The following FAM168A variants were observed in gnomAD, a reference collection of about 807,000 sequenced individuals.
The protein encoded by FAM168A is protein FAM168A.
Under a neutral mutation model 28.5 loss-of-function variants are expected in FAM168A, and 3 were observed. The ratio of observed to expected loss-of-function variants is 0.11; its 90% CI spans 0.05 to 0.27. The LOEUF is 0.27. Ranked by LOEUF, FAM168A falls within the 10% of genes least tolerant of loss-of-function variation. FAM168A has a pLI of 1.00. For synonymous variants in FAM168A, 122 were observed against 124.2 expected (o/e 0.98, Z 0.12); for missense variants, 222 against 311.5 (o/e 0.71, Z 2.16).
At chr11:73,429,315 C>A (rs1189179835) in intron 3 of FAM168A, among the ~76,000 whole-genome samples, 1 of 152,146 alleles carries the variant, frequency 6.6e-6, no homozygotes, top group African/African-American at 2.4e-5. Context: ...CACTGGGTAA[C>A]TTGGGACAAA....
intron 1 of FAM168A, among the ~76,000 whole-genome samples, chr11:73,551,593 T>C (rs1464574971): frequency 1.3e-5 from 2 of 152,238 alleles, no homozygotes; most frequent in Non-Finnish European, 2.9e-5. Context: ...TCTTTCCCAC[T>C]GCACACAATT....
chr11:73,499,684 A>T (rs1854965541), intron 1 of FAM168A, among the ~76,000 whole-genome samples: 1 of 152,106 alleles, frequency 6.6e-6, no homozygotes, highest in Admixed American at 6.5e-5. Context: ...AACATAAACC[A>T]CCTGATGGAG....
intron 1 of FAM168A, among the ~76,000 whole-genome samples, chr11:73,564,770 A>G (rs2134710950): frequency 6.6e-6 from 1 of 150,620 alleles, no homozygotes; most frequent in East Asian, 1.9e-4. Flanking sequence ...AAAGAAGGCT[A>G]GAGGTATAGC....
intron 1 of FAM168A, among the ~76,000 whole-genome samples, chr11:73,489,775 T>C (rs781753751): frequency 6.6e-6 from 1 of 152,200 alleles, no homozygotes; most frequent in South Asian, 2.1e-4. Context: ...CTTCGCAAAG[T>C]GTTGAATTAC....
At chr11:73,566,372 T>C (rs1392383141) in intron 1 of FAM168A, among the ~76,000 whole-genome samples, 1 of 152,268 alleles carries the variant, frequency 6.6e-6, no homozygotes, top group Non-Finnish European at 1.5e-5. Context: ...AAACTTCTTT[T>C]ATCCCTTGAT....
At chr11:73,583,751 G>A (rs753467168) in intron 1 of FAM168A, among the ~76,000 whole-genome samples, 1 of 152,214 alleles carries the variant, frequency 6.6e-6, no homozygotes, top group Non-Finnish European at 1.5e-5. Context: ...TGCAGACATA[G>A]TACAATGCAA....
intron 1 of FAM168A, among the ~76,000 whole-genome samples, chr11:73,570,300 G>A (rs7950375): frequency 0.078 from 11,819 of 151,974 alleles, 552 homozygotes; most frequent in Non-Finnish European, 0.11. Flanking sequence ...TACTGCACTT[G>A]GCACAAACCC....
rs958607676 is a variant in FAM168A, at chr11:73,470,728, C to T, written c.-18-2236G>A. ...CAGCCTCCAAAACTATAAGCCAATACATTTCCATTCATTATAAATTACCCA... is the reference window on the plus strand; with the variant it reads ...CAGCCTCCAAAACTATAAGCCAATATATTTCCATTCATTATAAATTACCCA... On this transcript the variant is annotated intron_variant, in intron 1 of 7. Transcript: ENST00000356467. 5.3e-5 allele frequency among the ~76,000 whole-genome samples: 8 copies of T among 152,292 alleles called. No individual in the cohort carries two copies. The South Asian group carries it at 1.7e-3, about 32-fold the overall frequency.
chr11:73,437,535 T>C (rs961261754), intron 2 of FAM168A, among the ~76,000 whole-genome samples: 1 of 146,990 alleles, frequency 6.8e-6, no homozygotes, highest in Non-Finnish European at 1.5e-5. Flanking sequence ...TCCCGCAGCA[T>C]ACTCTTCTAA....
At chr11:73,511,323 G>T (rs554757356) in intron 1 of FAM168A, among the ~76,000 whole-genome samples, 2 of 151,708 alleles carry the variant, frequency 1.3e-5, no homozygotes, top group Non-Finnish European at 2.9e-5. Context: ...TGCAAGCTCT[G>T]CCTCCTGGGT....
At chr11:73,466,968 T>C (rs1403512147) in intron 2 of FAM168A, among the ~76,000 whole-genome samples, 2 of 151,698 alleles carry the variant, frequency 1.3e-5, no homozygotes, top group Non-Finnish European at 1.5e-5. Flanking sequence ...GGAGGAGTCA[T>C]AGTGTCAGTT....
At chr11:73,509,614 A>G (rs577346983) in intron 1 of FAM168A, among the ~76,000 whole-genome samples, 89 of 152,216 alleles carry the variant, frequency 5.8e-4, no homozygotes, top group Non-Finnish European at 1.1e-3. Context: ...ACTGCTGTAC[A>G]GGGTTCCCAT....
intron 1 of FAM168A, among the ~76,000 whole-genome samples, chr11:73,566,770 C>T (rs543983267): frequency 8.5e-5 from 13 of 152,292 alleles, no homozygotes; most frequent in Admixed American, 3.3e-4. Context: ...AAAAGCAAGA[C>T]ATATTACAAA....
chr11:73,452,563 G>A (rs1867450727), intron 2 of FAM168A, among the ~76,000 whole-genome samples: 1 of 152,074 alleles, frequency 6.6e-6, no homozygotes, highest in African/African-American at 2.4e-5. Context: ...GAGGCACTTG[G>A]GCCAGTGCTA....
intron 1 of FAM168A, among the ~76,000 whole-genome samples, chr11:73,478,337 T>C (rs1867920387): frequency 6.6e-6 from 1 of 152,302 alleles, no homozygotes; most frequent in Non-Finnish European, 1.5e-5. Flanking sequence ...CTTGAAAATA[T>C]TATGCTAAGT....
At chr11:73,513,637 A>C (rs2134640709) in intron 1 of FAM168A, among the ~76,000 whole-genome samples, 1 of 152,262 alleles carries the variant, frequency 6.6e-6, no homozygotes, top group Admixed American at 6.5e-5. Flanking sequence ...AATACATTAG[A>C]CGTCACATCC....
chr11:73,526,327 TAG>T (rs1397033235), intron 1 of FAM168A, among the ~76,000 whole-genome samples: 11 of 152,204 alleles, frequency 7.2e-5, no homozygotes, highest in Non-Finnish European at 1.3e-4. Flanking sequence ...GCAAAAATTA[TAG>T]AGTGATAATA....
At chr11:73,562,432 GAGAAAGTGTTTTCCATCAC>G in intron 1 of FAM168A, among the ~76,000 whole-genome samples, 1 of 152,100 alleles carries the variant, frequency 6.6e-6, no homozygotes, top group South Asian at 2.1e-4. Flanking sequence ...TTGCTTCAAG[GAGAAAGTGTTTTCCATCAC>G]AGAATGAAGC....
At chr11:73,560,788 C>G (rs1943949131) in intron 1 of FAM168A, among the ~76,000 whole-genome samples, 2 of 152,196 alleles carry the variant, frequency 1.3e-5, no homozygotes. Context: ...TGCAGCCAGG[C>G]ATCGCTGCTC....
Sources: allele counts gnomAD v4.1 joint callset (sites outside exome capture counted in the v4.1 genomes callset), GRCh38; gene constraint gnomAD v4.1.1; transcripts MANE v1.5; gene names NCBI Gene and HGNC (gene_info 2026-07-23, HGNC 2026-07-21).